EBF2: variants seen among roughly 807,000 people sequenced by gnomAD.
EBF2 encodes transcription factor COE2.
Under a neutral mutation model 72.8 loss-of-function variants are expected in EBF2, and 21 were observed. The ratio of observed to expected loss-of-function variants is 0.29; its 90% CI spans 0.20 to 0.42. The LOEUF (loss-of-function observed/expected upper bound fraction) is 0.42, where lower values mean the gene tolerates loss of function less well. Ranked by LOEUF, EBF2 falls within the 10% of genes least tolerant of loss-of-function variation. The pLI is 1.00. For synonymous variants in EBF2, 299 were observed against 274.2 expected (o/e 1.09, Z -0.89); for missense variants, 637 against 731.2 (o/e 0.87, Z 1.49).
intron 5 of EBF2, among the ~76,000 whole-genome samples, 176 bp downstream of exon 5, chr8:26,039,852 T>C (rs1183586525): frequency 1.3e-5 from 2 of 152,184 alleles, no homozygotes; most frequent in African/African-American, 4.8e-5. Flanking sequence ...GGTTATGCTT[T>C]AAGACACTTG....
chr8:25,905,415 T>C (rs952802135), intron 7 of EBF2, among the ~76,000 whole-genome samples: 1 of 152,144 alleles, frequency 6.6e-6, no homozygotes, highest in Non-Finnish European at 1.5e-5. Context: ...TTGTTTGTAA[T>C]AGCCAAAAAG....
At chr8:25,865,052 C>T (rs28374554) in intron 10 of EBF2, among the ~76,000 whole-genome samples, 3,824 of 152,190 alleles carry the variant, frequency 0.025, 179 homozygotes, top group African/African-American at 0.085. Context: ...CCGCCTGCCT[C>T]GGCCTCACAA....
intron 6 of EBF2, among the ~76,000 whole-genome samples, chr8:25,965,952 G>A (rs952708222): frequency 4.0e-4 from 61 of 152,218 alleles, no homozygotes; most frequent in Admixed American, 3.9e-3. Context: ...TATCCTGACT[G>A]CAGTTGGCCC....
intron 10 of EBF2, among the ~76,000 whole-genome samples, chr8:25,880,183 G>T (rs892662002): frequency 5.9e-5 from 9 of 152,146 alleles, no homozygotes; most frequent in Middle Eastern, 3.4e-3. Flanking sequence ...AAGATAATAG[G>T]CCACGTAGAG....
Position 25,850,515 on chromosome 8 carries a change from A to G in EBF2, c.1696+79T>C, listed in dbSNP as rs571337927. The stretch of plus-strand genomic sequence containing the variant: ...TCTTTGCAGGTAAATGGCTGGAGCT[A>G]TACAATGATGTGCTGTTTGCTCTTA... On this transcript the variant is annotated intron_variant, in intron 15 of 15. Transcript: ENST00000520164. 7.5e-5 allele frequency: 107 copies of G among 1,421,990 alleles called. No homozygotes were observed. In the African/African-American group the frequency reaches 1.2e-3, roughly 16 times the overall value. 88.1% of individuals were successfully genotyped at this position (1,421,990 alleles called of 1,614,324 possible).
intron 6 of EBF2, among the ~76,000 whole-genome samples, chr8:25,978,569 C>G (rs767754937): frequency 6.6e-6 from 1 of 152,132 alleles, no homozygotes; most frequent in Non-Finnish European, 1.5e-5. Context: ...CTAAAGAAAA[C>G]AAGGTGCAGC....
At chr8:25,891,029 C>T (rs1335096882) in intron 7 of EBF2, among the ~76,000 whole-genome samples, 1 of 152,192 alleles carries the variant, frequency 6.6e-6, no homozygotes, top group African/African-American at 2.4e-5. Flanking sequence ...CTCCCATGGT[C>T]TAAGCTCGGG....
intron 10 of EBF2, among the ~76,000 whole-genome samples, chr8:25,871,941 A>G (rs1444846028): frequency 1.3e-5 from 2 of 151,178 alleles, no homozygotes; most frequent in African/African-American, 4.9e-5. Flanking sequence ...AACTAAAAAT[A>G]TCTACTGGGA....
At chr8:25,929,415 T>C (rs146023438) in intron 6 of EBF2, among the ~76,000 whole-genome samples, 1 of 152,322 alleles carries the variant, frequency 6.6e-6, no homozygotes, top group African/African-American at 2.4e-5. Context: ...TATGGTGACT[T>C]AGAGCACTTA....
At chr8:26,033,224 A>T (rs767770885) in intron 5 of EBF2, 71 bp from the exon 6 acceptor site, 1 of 1,479,678 alleles carries the variant, frequency 6.8e-7, no homozygotes. Flanking sequence ...GCACATGACA[A>T]GAACATTTTT....
chr8:26,009,842 A>G (rs1454662414), intron 6 of EBF2, among the ~76,000 whole-genome samples: 1 of 152,230 alleles, frequency 6.6e-6, no homozygotes, highest in Non-Finnish European at 1.5e-5. Flanking sequence ...TAAATATCTG[A>G]GGAGACTGCT....
At chr8:25,928,260 T>C (rs1228274560) in intron 6 of EBF2, among the ~76,000 whole-genome samples, 1 of 152,188 alleles carries the variant, frequency 6.6e-6, no homozygotes, top group Non-Finnish European at 1.5e-5. Context: ...ACACGCTGGA[T>C]TTCCACATGC....
chr8:25,878,781 T>C (rs778475981), intron 10 of EBF2, among the ~76,000 whole-genome samples: 56 of 152,298 alleles, frequency 3.7e-4, no homozygotes, highest in Non-Finnish European at 6.5e-4. Flanking sequence ...CTTGATAGCA[T>C]TTCTTCTTTA....
chr8:25,852,654 C>CTAAG (rs1246330888), intron 14 of EBF2, among the ~76,000 whole-genome samples: 2 of 152,166 alleles, frequency 1.3e-5, no homozygotes, highest in African/African-American at 4.8e-5. Context: ...TCAAGCTTTA[C>CTAAG]TAAGTGACGT....
chr8:25,887,750 G>C (rs1339664787), intron 9 of EBF2, 92 bp downstream of exon 9: 1 of 1,371,374 alleles, frequency 7.3e-7, no homozygotes, highest in Non-Finnish European at 9.6e-7. Context: ...TGACTTTTAT[G>C]CTTTTTTACC....
intron 6 of EBF2, among the ~76,000 whole-genome samples, chr8:26,006,905 T>C (rs143436007): frequency 3.3e-5 from 5 of 152,304 alleles, no homozygotes; most frequent in African/African-American, 9.6e-5. Flanking sequence ...ATAGCTACTA[T>C]CAAAAACACT....
chr8:25,900,352 G>A (rs891627485), intron 7 of EBF2, among the ~76,000 whole-genome samples: 2 of 152,120 alleles, frequency 1.3e-5, no homozygotes, highest in African/African-American at 2.4e-5. Context: ...CCAGCTACTT[G>A]GGAGATTGAA....
intron 6 of EBF2, among the ~76,000 whole-genome samples, chr8:25,946,317 G>A (rs888894074): frequency 5.9e-5 from 9 of 152,206 alleles, no homozygotes; most frequent in African/African-American, 2.2e-4. Flanking sequence ...CACCATGGGA[G>A]CAAGACCTAT....
At chr8:25,858,220 T>A in intron 14 of EBF2, 99 bp downstream of exon 14, 5 of 1,442,968 alleles carry the variant, frequency 3.5e-6, no homozygotes, top group Non-Finnish European at 3.9e-6. Flanking sequence ...CCCCGACAAC[T>A]TAGGAAGATT....
Sources: allele counts gnomAD v4.1 joint callset (sites outside exome capture counted in the v4.1 genomes callset), GRCh38; gene constraint gnomAD v4.1.1; transcripts MANE v1.5; gene names NCBI Gene and HGNC (gene_info 2026-07-23, HGNC 2026-07-21).